The following RRM2B variants were observed in gnomAD, a reference collection of about 807,000 sequenced individuals.
RRM2B encodes the protein ribonucleotide reductase regulatory TP53 inducible subunit M2B, also known as ribonucleoside-diphosphate reductase subunit M2 B.
Under a neutral mutation model 45.9 loss-of-function variants are expected in RRM2B, and 20 were observed. That is an observed-to-expected ratio of 0.44 (90% CI 0.31 to 0.63). The LOEUF is 0.63. Ranked by LOEUF, RRM2B falls within the 30% of genes least tolerant of loss-of-function variation. The pLI, the probability that RRM2B is intolerant of heterozygous loss-of-function variation, is 0.09. For missense variants in RRM2B, 320 were observed against 414.7 expected (o/e 0.77, Z 1.98); for synonymous variants, 124 against 132.3 (o/e 0.94, Z 0.43).
intron 2 of RRM2B, 54 bp from the exon 3 acceptor site, chr8:102,226,088 G>C: frequency 3.7e-6 from 4 of 1,079,928 alleles, no homozygotes; most frequent in Non-Finnish European, 4.3e-6. Flanking sequence ...TCTTCTCAAA[G>C]TGTTTGGGAA....
chr8:102,226,463 T>C (rs1810934207), intron 2 of RRM2B, among the ~76,000 whole-genome samples: 1 of 151,640 alleles, frequency 6.6e-6, no homozygotes, highest in African/African-American at 2.4e-5. Context: ...AATATTCAAA[T>C]TAACATAATC....
intron 2 of RRM2B, among the ~76,000 whole-genome samples, chr8:102,229,410 G>A (rs1423404589): frequency 6.6e-6 from 1 of 152,170 alleles, no homozygotes; most frequent in Non-Finnish European, 1.5e-5. Context: ...AGTGTTTGCT[G>A]AGCACTTACT....
intron 1 of RRM2B, among the ~76,000 whole-genome samples, chr8:102,236,445 A>G (rs577087902): frequency 2.4e-4 from 37 of 152,372 alleles, no homozygotes; most frequent in Middle Eastern, 3.4e-3. Flanking sequence ...CAAGCAACTA[A>G]GGAACCAATT....
chr8:102,232,587 G>A lies in RRM2B; in HGVS notation c.49-283C>T, dbSNP rs539209817. 7.2e-5 allele frequency among the ~76,000 whole-genome samples: 11 copies of A among 152,252 alleles called. No individual in the cohort carries two copies. The East Asian group carries it at 2.1e-3, about 29-fold the overall frequency. On this transcript the variant is annotated intron_variant, in intron 1 of 8. Transcript: ENST00000251810. ...ATTAAAAGTGCTTTAAACAAAGCCTGGTATATAGTAAGCACTCAAAAATTA... is the reference window on the plus strand; with the variant it reads ...ATTAAAAGTGCTTTAAACAAAGCCTAGTATATAGTAAGCACTCAAAAATTA...
chr8:102,231,893 GA>G lies in RRM2B; in HGVS notation c.204+255del, dbSNP rs1441587875. On this transcript the variant is annotated intron_variant, in intron 2 of 8. Transcript: ENST00000251810. ...CAAAAAAAAAAAAAAAAAAGAAAAA[GA>G]AAAAAAATGTTCTAATATATTGGAA... Among the ~76,000 whole-genome samples, 388 of 146,128 alleles carry G rather than the reference GA, an allele frequency of 2.7e-3. 1 individual carries two copies. The highest frequency in any genetic ancestry group is 8.8e-3 in the African/African-American group (351 of 39,716).
intron 1 of RRM2B, among the ~76,000 whole-genome samples, chr8:102,233,017 A>G (rs1030354645): frequency 3.3e-5 from 5 of 152,224 alleles, no homozygotes; most frequent in African/African-American, 4.8e-5. Context: ...TGCCATGCAT[A>G]TATTTTTAAA....
At position 102,218,826 on chromosome 8, in the gene RRM2B, GA is replaced by G; in HGVS notation, c.671del (p.Ile224ThrfsTer14). On this transcript the variant is annotated frameshift_variant, in exon 6 of 9. Coordinates refer to ENST00000251810, the MANE Select transcript of RRM2B (RefSeq NM_015713.5). LOFTEE classifies it high-confidence loss of function. ...TTCCATTCCTTACTTCATCTCTGCT[GA>G]TGAGTTCATTGGAAAAAGTGAGTCC... ...MPGLTFSNELISRDEGLHCDF... is the reference protein window; with the variant it reads ...MPGLTFSNELXSRDEGLHCDF... The G allele has an allele frequency of 1.2e-6, 2 of 1,612,122 alleles. No individual in the cohort carries two copies. Among genetic ancestry groups the G allele is most frequent in the Non-Finnish European group, 1.7e-6 (2 of 1,178,400 alleles).
intron 2 of RRM2B, among the ~76,000 whole-genome samples, chr8:102,228,437 G>A (rs912276426): frequency 6.6e-6 from 1 of 152,232 alleles, no homozygotes; most frequent in African/African-American, 2.4e-5. Flanking sequence ...ACAAGAGCGT[G>A]GGTGCCACAG....
rs888520883 is a variant in RRM2B, at chr8:102,207,307, T to G, written c.*826A>C. On this transcript the variant is annotated 3_prime_UTR_variant, in exon 9 of 9. Transcript: ENST00000251810. ...AGCTAATAGCTCTTAGAATATTCTT[T>G]GGAAAATGCTATTCTAGCCTGATTC... The G allele has an allele frequency of 3.3e-5, 5 of 152,242 alleles. No homozygotes were observed. Among genetic ancestry groups the G allele is most frequent in the African/African-American group, 1.2e-4 (5 of 41,470 alleles). 9.4% of individuals were successfully genotyped at this position (152,242 alleles called of 1,614,324 possible).
Position 102,232,129 on chromosome 8 carries a change from T to G in RRM2B, c.204+20A>C. On this transcript the variant is annotated intron_variant, in intron 2 of 8. Transcript: ENST00000251810. Reference sequence around the variant, plus strand: ...ACTGCACTATAGGATGTGAATGCTCTTGGAGGCAATGCCACGTACCTCTTC... The same window carrying G: ...ACTGCACTATAGGATGTGAATGCTCGTGGAGGCAATGCCACGTACCTCTTC... The G allele has an allele frequency of 6.2e-7, 1 of 1,612,272 alleles. No homozygotes were observed. Among genetic ancestry groups the G allele is most frequent in the Non-Finnish European group, 8.5e-7 (1 of 1,178,294 alleles).
intron 5 of RRM2B, among the ~76,000 whole-genome samples, chr8:102,219,589 C>T (rs1281706438): frequency 1.1e-4 from 16 of 152,188 alleles, no homozygotes; most frequent in African/African-American, 3.1e-4. Context: ...GCAAGGACTT[C>T]GTAGAAATCC....
chr8:102,205,316 C>T lies in RRM2B; in HGVS notation c.*2817G>A, dbSNP rs537438237. ...TAATTTTTAAATATGCAAACTGCTA[C>T]ATTTTCTCAATAATCAATTCATGCA... On this transcript the variant is annotated 3_prime_UTR_variant, in exon 9 of 9. Coordinates refer to ENST00000251810, the MANE Select transcript of RRM2B (RefSeq NM_015713.5). The T allele has an allele frequency of 3.0e-4, 46 of 152,220 alleles. No homozygotes were observed. Among genetic ancestry groups the T allele is most frequent in the African/African-American group, 1.1e-3 (45 of 41,548 alleles). The allele number at this position is 152,220 out of a possible 1,614,324, so 9.4% of individuals were successfully genotyped here. A position where few individuals can be genotyped will look rare whatever the true frequency, so the allele number is the denominator to read the frequency against.
At chr8:102,220,950 T>C (rs1448029419) in intron 5 of RRM2B, among the ~76,000 whole-genome samples, 1 of 152,196 alleles carries the variant, frequency 6.6e-6, no homozygotes, top group Non-Finnish European at 1.5e-5. Context: ...ATGATTCATT[T>C]TAGAGAGGGG....
intron 8 of RRM2B, among the ~76,000 whole-genome samples, chr8:102,209,072 C>T (rs1443047990): frequency 2.0e-5 from 3 of 152,046 alleles, no homozygotes; most frequent in Non-Finnish European, 4.4e-5. Context: ...ATTGCTTGAA[C>T]CTGAGAGGCA....
In RRM2B at chr8:102,206,408, A is replaced by C. The variant is rs1810544944; in HGVS notation, c.*1725T>G. 6.6e-6 allele frequency: 1 copy of C among 152,210 alleles called. No homozygotes were observed. The highest frequency in any genetic ancestry group is 6.5e-5 in the Admixed American group (1 of 15,280). 9.4% of individuals were successfully genotyped at this position (152,210 alleles called of 1,614,324 possible). Reference sequence around the variant, plus strand: ...AACACTTGGCAAACTGAAGCAATGCAAAAATTAATGGTATTATCATAGGCC... The same window carrying C: ...AACACTTGGCAAACTGAAGCAATGCCAAAATTAATGGTATTATCATAGGCC... On this transcript the variant is annotated 3_prime_UTR_variant, in exon 9 of 9. Transcript: ENST00000251810.
At chr8:102,224,713 T>C (rs1272027002) in intron 4 of RRM2B, among the ~76,000 whole-genome samples, 172 bp downstream of exon 4, 1 of 152,202 alleles carries the variant, frequency 6.6e-6, no homozygotes, top group Non-Finnish European at 1.5e-5. Flanking sequence ...GTTAACTGGT[T>C]CTATAACAAG....
chr8:102,229,137 C>T (rs1202209447), intron 2 of RRM2B, among the ~76,000 whole-genome samples: 1 of 152,142 alleles, frequency 6.6e-6, no homozygotes, highest in Non-Finnish European at 1.5e-5. Context: ...CCTGTAGTCC[C>T]AGCTACTTGG....
rs515726180 is a variant in RRM2B, at chr8:102,238,827, C to T, written c.48G>A (p.Glu16=). The part of the protein sequence containing the change: ...RPEAAGLDQD[E]RSSSDTNESE... Reference sequence around the variant, plus strand: ...GGGAAGACGCAACAGCAACATTTACCTCATCCTGATCCAGCCCGGCCGCTT... The same window carrying T: ...GGGAAGACGCAACAGCAACATTTACTTCATCCTGATCCAGCCCGGCCGCTT... The change falls in exon 1 of 9, where the codon GAG becomes GAA. Residue 16 remains glutamate (E), a splice_region_variant and synonymous_variant. Transcript: ENST00000251810. 2.5e-5 allele frequency: 41 copies of T among 1,613,680 alleles called. No individual in the cohort carries two copies. Among genetic ancestry groups the T allele is most frequent in the Non-Finnish European group, 3.2e-5 (38 of 1,179,934 alleles).
intron 5 of RRM2B, among the ~76,000 whole-genome samples, chr8:102,223,041 T>G (rs1810862546): frequency 6.6e-6 from 1 of 152,104 alleles, no homozygotes; most frequent in African/African-American, 2.4e-5. Context: ...GACCAAAAAT[T>G]TTGAGACTTG....
Sources: gnomAD v4.1 joint callset for allele counts (sites outside exome capture counted in the v4.1 genomes callset) on GRCh38, gnomAD v4.1.1 for gene constraint, MANE v1.5 for transcripts, NCBI Gene and HGNC (gene_info 2026-07-23, HGNC 2026-07-21) for gene names.